Variants in BCAM observed in about 807,000 individuals in gnomAD.
The protein encoded by BCAM is basal cell adhesion molecule.
BCAM carries 61 observed loss-of-function variants against 72.4 expected under a neutral mutation model. That is an observed-to-expected ratio of 0.84 (90% CI 0.69 to 1.04). The LOEUF is 1.04. Among genes scored for constraint, BCAM ranks in the 50% least tolerant of loss-of-function variants. The pLI, the probability that BCAM is intolerant of heterozygous loss-of-function variation, is 0.00. For missense variants in BCAM, 909 were observed against 895.0 expected (o/e 1.02, Z -0.20); for synonymous variants, 408 against 384.2 (o/e 1.06, Z -0.73).
Position 44,818,746 on chromosome 19 carries a change from C to T in BCAM, c.1200C>T (p.Ser400=). ...TCCTCCTCTGCCCTTCCCAGGACTC[C>T]ACTCCCCTGGGCGATGGCCCCATGC... ...PTPALRWTKD[S]TPLGDGPMLS... The change falls in exon 10 of 15, where the codon TCC becomes TCT. Residue 400 remains serine (S), a synonymous_variant. Coordinates refer to ENST00000270233, the MANE Select transcript of BCAM (RefSeq NM_005581.5). This position sits in a 1 kb window ranked among gnomAD's most constrained non-coding sequence, Gnocchi z 4.6. The T allele has an allele frequency of 6.2e-7, 1 of 1,614,066 alleles. No individual in the cohort carries two copies. The highest frequency in any genetic ancestry group is 1.1e-5 in the South Asian group (1 of 91,066).
In BCAM at chr19:44,814,462, G is replaced by T; in HGVS notation, c.922-142G>T. 1 of 1,396,680 alleles carries T rather than the reference G, an allele frequency of 7.2e-7. No homozygotes were observed. The highest frequency in any genetic ancestry group is 9.6e-7 in the Non-Finnish European group (1 of 1,041,934). 86.5% of individuals were successfully genotyped at this position (1,396,680 alleles called of 1,614,324 possible). A position where few individuals can be genotyped will look rare whatever the true frequency, so the allele number is the denominator to read the frequency against. ...CTGACCCCTGATTTGAGAGAGTCAG[G>T]ACTTAGCATGCCACCTGACTTGATG... On this transcript the variant is annotated intron_variant, in intron 7 of 14. Transcript: ENST00000270233. This position sits in a 1 kb window ranked among gnomAD's most constrained non-coding sequence, Gnocchi z 4.6.
chr19:44,815,462 A>G (rs1462112358), intron 8 of BCAM, among the ~76,000 whole-genome samples: 1 of 139,914 alleles, frequency 7.1e-6, no homozygotes, highest in Non-Finnish European at 1.5e-5. Flanking sequence ...GGGGAGACAG[A>G]TGGTAAATGC....
Position 44,820,944 on chromosome 19 carries a change from T to C in BCAM, c.*23T>C, listed in dbSNP as rs1444969587. ...TGAGCCAAGAACCTCCTAGAGGCTGTCCCTGGACCTGGAGCTGCAGGCATC... is the reference window on the plus strand; with the variant it reads ...TGAGCCAAGAACCTCCTAGAGGCTGCCCCTGGACCTGGAGCTGCAGGCATC... On this transcript the variant is annotated 3_prime_UTR_variant, in exon 15 of 15. Transcript: ENST00000270233. 1 of 1,550,952 alleles carries C rather than the reference T, an allele frequency of 6.4e-7. No homozygotes were observed. Among genetic ancestry groups the C allele is most frequent in the South Asian group, 1.2e-5 (1 of 83,464 alleles).
Position 44,818,166 on chromosome 19 carries a change from G to T in BCAM, c.1079-356G>T, listed in dbSNP as rs1448303525. Among the ~76,000 whole-genome samples, 2 of 152,172 alleles carry T rather than the reference G, an allele frequency of 1.3e-5. No homozygotes were observed. Among genetic ancestry groups the T allele is most frequent in the Non-Finnish European group, 2.9e-5 (2 of 68,032 alleles). The stretch of plus-strand genomic sequence containing the variant: ...AACTTTGCAGAAAAGATGTTTGGGG[G>T]TAACAGGGAGGTTACCCCACAGGTT... On this transcript the variant is annotated intron_variant, in intron 8 of 14. Coordinates refer to ENST00000270233, the MANE Select transcript of BCAM (RefSeq NM_005581.5). This position sits in a 1 kb window ranked among gnomAD's most constrained non-coding sequence, Gnocchi z 4.6.
intron 13 of BCAM, 39 bp from the exon 14 acceptor site, chr19:44,820,666 T>C: frequency 5.2e-6 from 6 of 1,149,968 alleles, no homozygotes; most frequent in South Asian, 2.1e-5. Flanking sequence ...CGTGTGCACC[T>C]CCAACACGAC....
At chr19:44,815,189 C>T (rs961497714) in intron 8 of BCAM, among the ~76,000 whole-genome samples, 2 of 152,104 alleles carry the variant, frequency 1.3e-5, no homozygotes, top group Non-Finnish European at 2.9e-5. Context: ...TGATCCTTCT[C>T]CCCAGTCAAG....
chr19:44,820,329 C>G, intron 13 of BCAM: 1 of 1,056,212 alleles, frequency 9.5e-7, no homozygotes, highest in Non-Finnish European at 1.1e-6. Context: ...TCCCCATCCC[C>G]AATCTTGTCC....
chr19:44,818,445 C>A lies in BCAM; in HGVS notation c.1079-77C>A, dbSNP rs80033992. On this transcript the variant is annotated intron_variant, in intron 8 of 14. Coordinates refer to ENST00000270233, the MANE Select transcript of BCAM (RefSeq NM_005581.5). This position sits in a 1 kb window ranked among gnomAD's most constrained non-coding sequence, Gnocchi z 4.6. ...TTCCAACTGTCCATTCATGTTTGCA[C>A]CCCCGACCGCCCCTGGAGAGCCCCT... 3 of 1,169,328 alleles carry A rather than the reference C, an allele frequency of 2.6e-6. No homozygotes were observed. The highest frequency in any genetic ancestry group is 3.7e-6 in the Non-Finnish European group (3 of 802,728). The allele number at this position is 1,169,328 out of a possible 1,614,324, so 72.4% of individuals were successfully genotyped here.
chr19:44,819,964 G>A (rs1968562408), intron 13 of BCAM: 6 of 1,327,140 alleles, frequency 4.5e-6, no homozygotes, highest in Non-Finnish European at 5.7e-6. Context: ...CCAACCCAGG[G>A]CCATCCCCAA....
intron 1 of BCAM, among the ~76,000 whole-genome samples, chr19:44,810,017 G>T (rs1204658384): frequency 6.6e-6 from 1 of 152,134 alleles, no homozygotes; most frequent in African/African-American, 2.4e-5. Context: ...CTGGGGACAG[G>T]CTGGGGCCAG....
intron 8 of BCAM, among the ~76,000 whole-genome samples, chr19:44,815,976 C>T (rs1228539384): frequency 6.6e-6 from 1 of 152,122 alleles, no homozygotes. Context: ...TGTGCCACTG[C>T]ACTCCAGCCT....
At chr19:44,811,389 G>A in intron 2 of BCAM, 43 bp downstream of exon 2, 1 of 1,609,928 alleles carries the variant, frequency 6.2e-7, no homozygotes, top group South Asian at 1.1e-5. Context: ...GGGCACAGCA[G>A]GGCAGCAAAG....
Position 44,812,392 on chromosome 19 carries a change from GT to G in BCAM, c.433+2del, listed in dbSNP as rs764347755. Reference sequence around the variant, plus strand: ...GCCACTGCGCGGCTCAACGTGTTTGGTAAGTGTCCTCGGGCATCCCCCGAAG... The same window carrying G: ...GCCACTGCGCGGCTCAACGTGTTTGGAAGTGTCCTCGGGCATCCCCCGAAG... On this transcript the variant is annotated splice_donor_variant, in intron 3 of 14. Transcript: ENST00000270233. LOFTEE classifies it high-confidence loss of function. This position sits in a 1 kb window ranked among gnomAD's most constrained non-coding sequence, Gnocchi z 5.3. 5.2e-5 allele frequency: 84 copies of G among 1,613,998 alleles called. No individual in the cohort carries two copies. Among genetic ancestry groups the G allele is most frequent in the Non-Finnish European group, 7.1e-5 (84 of 1,179,978 alleles).
At position 44,818,670 on chromosome 19, in the gene BCAM, A is replaced by G. The variant is rs1474377816; in HGVS notation, c.1194+33A>G. ...GGAGAGGAGCCCCCTCGGGCCCTGC[A>G]CTCGCACCCTCCTCTCTCCCCTCAC... On this transcript the variant is annotated intron_variant, in intron 9 of 14. Transcript: ENST00000270233. This position sits in a 1 kb window ranked among gnomAD's most constrained non-coding sequence, Gnocchi z 4.6. 6.2e-7 allele frequency: 1 copy of G among 1,611,586 alleles called. No individual in the cohort carries two copies. Among genetic ancestry groups the G allele is most frequent in the Non-Finnish European group, 8.5e-7 (1 of 1,178,230 alleles).
rs141778381 is a variant in BCAM at position 44,813,475 on chromosome 19, G to A, written c.639G>A (p.Ser213=). The change falls in exon 6 of 15, where the codon TCG becomes TCA. Residue 213 remains serine, a synonymous_variant. Coordinates refer to ENST00000270233, the MANE Select transcript of BCAM (RefSeq NM_005581.5). The surrounding 1 kb of genome is among the most constrained non-coding windows in gnomAD (Gnocchi z 4.2). ...CCAGCCGCACGGTCCGGGAGGCCTC[G>A]GGCCTGCTCTCCCTCACCAGCACCC... ...YMTSRTVREA[S]GLLSLTSTLY... 1.2e-5 allele frequency: 19 copies of A among 1,611,988 alleles called. No homozygotes were observed. Among genetic ancestry groups the A allele is most frequent in the Admixed American group, 6.7e-5 (4 of 59,986 alleles).
chr19:44,814,877 T>G lies in BCAM; in HGVS notation c.1078+117T>G, dbSNP rs1968483009. On this transcript the variant is annotated intron_variant, in intron 8 of 14. Transcript: ENST00000270233. This position sits in a 1 kb window ranked among gnomAD's most constrained non-coding sequence, Gnocchi z 4.6. Reference sequence around the variant, plus strand: ...TCCCAAACACTCTGCCTTCAACCCTTTCTCTGCATTTCTTGGGGGTTTTTT... The same window carrying G: ...TCCCAAACACTCTGCCTTCAACCCTGTCTCTGCATTTCTTGGGGGTTTTTT... 3 of 1,148,682 alleles carry G rather than the reference T, an allele frequency of 2.6e-6. No individual in the cohort carries two copies. Among genetic ancestry groups the G allele is most frequent in the Non-Finnish European group, 3.4e-6 (3 of 888,150 alleles). The allele number at this position is 1,148,682 out of a possible 1,614,324, so 71.2% of individuals were successfully genotyped here.
chr19:44,820,788 G>C lies in BCAM; in HGVS notation c.1847G>C (p.Gly616Ala). 1 of 1,505,614 alleles carries C rather than the reference G, an allele frequency of 6.6e-7. No homozygotes were observed. The allele number at this position is 1,505,614 out of a possible 1,614,324, so 93.3% of individuals were successfully genotyped here. The change falls in exon 14 of 15, where the codon GGA becomes GCA. Residue 616 changes from glycine (G) to alanine (A), a missense_variant. Coordinates refer to ENST00000270233, the MANE Select transcript of BCAM (RefSeq NM_005581.5). ...TGLLMGGASG[G>A]ARGGSGGFGD... Reference sequence around the variant, plus strand: ...CTTCTCATGGGAGGTGCCTCCGGAGGAGCCAGGGGTGGCAGCGGGGGCTTC... The same window carrying C: ...CTTCTCATGGGAGGTGCCTCCGGAGCAGCCAGGGGTGGCAGCGGGGGCTTC...
intron 1 of BCAM, among the ~76,000 whole-genome samples, 192 bp downstream of exon 1, chr19:44,809,398 G>C (rs994238539): frequency 2.0e-5 from 3 of 152,084 alleles, no homozygotes; most frequent in Admixed American, 6.5e-5. Flanking sequence ...GGAGAGCTGG[G>C]GATACCCAGG....
chr19:44,817,338 C>G (rs1968515825), intron 8 of BCAM, among the ~76,000 whole-genome samples: 1 of 152,146 alleles, frequency 6.6e-6, no homozygotes, highest in Non-Finnish European at 1.5e-5. Context: ...ACTTGGTCTA[C>G]TCAAGAAAAA....
Sources: allele counts gnomAD v4.1 joint callset (sites outside exome capture counted in the v4.1 genomes callset), GRCh38; gene constraint gnomAD v4.1.1; non-coding constraint Gnocchi (gnomAD v3.1); transcripts MANE v1.5; gene names NCBI Gene and HGNC (gene_info 2026-07-23, HGNC 2026-07-21).